Variants in P3H2 observed in about 807,000 individuals in gnomAD.
P3H2 encodes leprecan-like 1.
Under a neutral mutation model 87.0 loss-of-function variants are expected in P3H2, and 80 were observed. The ratio of observed to expected loss-of-function variants is 0.92; its 90% CI spans 0.77 to 1.11. P3H2 has a LOEUF of 1.11. Among genes scored for constraint, P3H2 ranks in the 50% least tolerant of loss-of-function variants. The probability of loss-of-function intolerance (pLI) is 0.00; values close to 1 mark genes in which losing one functional copy is unlikely to be tolerated. For missense variants in P3H2, 1,001 were observed against 923.9 expected, an observed-to-expected ratio of 1.08 and a Z score of -1.08; for synonymous variants, 367 against 359.3, an observed-to-expected ratio of 1.02 and a Z score of -0.24.
intron 13 of P3H2, among the ~76,000 whole-genome samples, chr3:189,965,310 G>C (rs939035871): frequency 1.3e-5 from 2 of 152,206 alleles, no homozygotes; most frequent in East Asian, 3.8e-4. Context: ...GTAAGAGGTA[G>C]GTGGAGGAGT....
chr3:190,029,596 C>A, intron 1 of P3H2, among the ~76,000 whole-genome samples: 1 of 152,024 alleles, frequency 6.6e-6, no homozygotes, highest in Non-Finnish European at 1.5e-5. Flanking sequence ...TTAAAGCAAT[C>A]TTTATCCACA....
rs1722647411 is a variant in P3H2, at chr3:189,956,917, A to G, written c.*995T>C. The G allele has an allele frequency of 7.6e-6, 3 of 393,564 alleles. No homozygotes were observed. The highest frequency in any genetic ancestry group is 4.4e-5 in the Admixed American group (1 of 22,602). The allele number at this position is 393,564 out of a possible 1,614,324, so 24.4% of individuals were successfully genotyped here. A position where few individuals can be genotyped will look rare whatever the true frequency, so the allele number is the denominator to read the frequency against. On this transcript the variant is annotated 3_prime_UTR_variant, in exon 15 of 15. Coordinates refer to ENST00000319332, the MANE Select transcript of P3H2 (RefSeq NM_018192.4). ...GACCCCACTCCTAGGCAACCTGGCC[A>G]TGGTGCCCGGATGCAGGCAGTATTC...
At chr3:190,084,045 C>A in intron 1 of P3H2, among the ~76,000 whole-genome samples, 1 of 152,146 alleles carries the variant, frequency 6.6e-6, no homozygotes, top group East Asian at 1.9e-4. Flanking sequence ...AACTTGGATT[C>A]TCAGTAAGAA....
chr3:190,000,601 A>G (rs1439332526), intron 1 of P3H2, among the ~76,000 whole-genome samples: 1 of 152,248 alleles, frequency 6.6e-6, no homozygotes, highest in Non-Finnish European at 1.5e-5. Flanking sequence ...ATTTCTCTTC[A>G]ATGTAATTTT....
At chr3:189,989,122 A>C in intron 3 of P3H2, 84 bp from the exon 4 acceptor site, 61 of 1,514,090 alleles carry the variant, frequency 4.0e-5, no homozygotes, top group Non-Finnish European at 5.4e-5. Context: ...TACACAGGTC[A>C]TTCCTCACCT....
chr3:190,011,219 G>C (rs1724576389), intron 1 of P3H2, among the ~76,000 whole-genome samples: 1 of 150,038 alleles, frequency 6.7e-6, no homozygotes, highest in African/African-American at 2.5e-5. Flanking sequence ...CTTGCAGTGA[G>C]CCGAGATTGC....
At chr3:190,076,460 A>T (rs1374875746) in intron 1 of P3H2, among the ~76,000 whole-genome samples, 1 of 152,206 alleles carries the variant, frequency 6.6e-6, no homozygotes, top group African/African-American at 2.4e-5. Flanking sequence ...GGGAAAGATG[A>T]GGCAGCTATT....
At chr3:189,961,223 G>A (rs1722801897) in intron 14 of P3H2, among the ~76,000 whole-genome samples, 1 of 152,158 alleles carries the variant, frequency 6.6e-6, no homozygotes, top group South Asian at 2.1e-4. Context: ...TTACAGGACT[G>A]AGCCACCGTG....
At chr3:190,116,624 G>A (rs1282014223) in intron 1 of P3H2, 2 of 152,396 alleles carry the variant, frequency 1.3e-5, no homozygotes, top group South Asian at 2.1e-4. Context: ...GGACTGGGAA[G>A]GTTGAGAGGG....
At chr3:189,960,556 A>G (rs1036857440) in intron 14 of P3H2, among the ~76,000 whole-genome samples, 2 of 152,218 alleles carry the variant, frequency 1.3e-5, no homozygotes, top group African/African-American at 4.8e-5. Flanking sequence ...CTCCTCAAAG[A>G]AGCCTTTTTG....
intron 1 of P3H2, among the ~76,000 whole-genome samples, chr3:190,086,404 T>C (rs1190230695): frequency 6.6e-6 from 1 of 151,914 alleles, no homozygotes; most frequent in African/African-American, 2.4e-5. Flanking sequence ...TTCCCGGGGG[T>C]AGTTGCTGAC....
intron 1 of P3H2, among the ~76,000 whole-genome samples, chr3:190,108,897 G>A (rs956552052): frequency 6.6e-6 from 1 of 152,084 alleles, no homozygotes; most frequent in African/African-American, 2.4e-5. Context: ...ATTCAGTGTT[G>A]TACACGTGGA....
At chr3:190,089,212 C>A (rs1727327728) in intron 1 of P3H2, among the ~76,000 whole-genome samples, 4 of 152,004 alleles carry the variant, frequency 2.6e-5, no homozygotes, top group Non-Finnish European at 5.9e-5. Flanking sequence ...CACACCGGGG[C>A]CTGTCGTGGG....
At chr3:190,094,717 T>C (rs1171605846) in intron 1 of P3H2, among the ~76,000 whole-genome samples, 1 of 152,160 alleles carries the variant, frequency 6.6e-6, no homozygotes, top group Non-Finnish European at 1.5e-5. Flanking sequence ...AAGACATATA[T>C]AGTACTTTGT....
intron 1 of P3H2, among the ~76,000 whole-genome samples, chr3:190,070,686 A>G (rs901887668): frequency 6.6e-6 from 1 of 152,188 alleles, no homozygotes; most frequent in African/African-American, 2.4e-5. Context: ...ATTACTAACA[A>G]TCCATATGAA....
At chr3:190,042,800 T>C (rs1325616960) in intron 1 of P3H2, among the ~76,000 whole-genome samples, 1 of 152,196 alleles carries the variant, frequency 6.6e-6, no homozygotes, top group Non-Finnish European at 1.5e-5. Flanking sequence ...GAGAAGGCAG[T>C]GAAAATTTAT....
intron 1 of P3H2, among the ~76,000 whole-genome samples, chr3:190,096,068 G>T (rs1278519469): frequency 3.9e-5 from 6 of 152,174 alleles, no homozygotes; most frequent in African/African-American, 1.4e-4. Context: ...ATTAGGGAAT[G>T]AAATACAACA....
At chr3:190,046,062 G>A (rs563729185) in intron 1 of P3H2, among the ~76,000 whole-genome samples, 1 of 151,148 alleles carries the variant, frequency 6.6e-6, no homozygotes, top group South Asian at 2.1e-4. Flanking sequence ...GGCAGAGCTT[G>A]CAGTGAGCTG....
chr3:190,009,828 A>T (rs7619109), intron 1 of P3H2, among the ~76,000 whole-genome samples: 5,330 of 152,286 alleles, frequency 0.035, 251 homozygotes, highest in African/African-American at 0.11. Flanking sequence ...TTGCCTCTAC[A>T]TGGAGACAGT....
Sources: allele counts gnomAD v4.1 joint callset (sites outside exome capture counted in the v4.1 genomes callset), GRCh38; gene constraint gnomAD v4.1.1; transcripts MANE v1.5; gene names NCBI Gene and HGNC (gene_info 2026-07-23, HGNC 2026-07-21).